SLC5A4: variants seen among roughly 807,000 people sequenced by gnomAD.
SLC5A4 encodes the protein probable glucose sensor protein SLC5A4.
In SLC5A4, 55 loss-of-function variants were observed where a neutral mutation model predicts 70.3. That is an observed-to-expected ratio of 0.78 (90% CI 0.63 to 0.98). The LOEUF is 0.98. Among genes scored for constraint, SLC5A4 ranks in the 50% least tolerant of loss-of-function variants. SLC5A4 has a pLI of 0.00. For synonymous variants in SLC5A4, 268 were observed against 305.7 expected, an observed-to-expected ratio of 0.88 and a Z score of 1.29; for missense variants, 735 against 839.2, an observed-to-expected ratio of 0.88 and a Z score of 1.53.
the SLC5A4 span, among the ~76,000 whole-genome samples, chr22:32,308,100 CTG>C: frequency 6.6e-6 from 1 of 152,288 alleles, no homozygotes; most frequent in African/African-American, 2.4e-5. Context: ...TAGAGTCACT[CTG>C]TCACCCAGGC....
the SLC5A4 span, among the ~76,000 whole-genome samples, chr22:32,350,643 T>C: frequency 1.3e-5 from 2 of 152,190 alleles, no homozygotes; most frequent in African/African-American, 2.4e-5. Context: ...ACTAAGGCTA[T>C]GTATTGAGAA....
At chr22:32,244,853 G>A (rs969589227) in intron 5 of SLC5A4, among the ~76,000 whole-genome samples, 1 of 152,028 alleles carries the variant, frequency 6.6e-6, no homozygotes, top group Non-Finnish European at 1.5e-5. Context: ...TTCTTTTATT[G>A]TGATGAAACA....
intron 5 of SLC5A4, among the ~76,000 whole-genome samples, chr22:32,241,657 T>G (rs565955171): frequency 6.6e-6 from 1 of 152,288 alleles, no homozygotes; most frequent in African/African-American, 2.4e-5. Flanking sequence ...ATGCTTTTGT[T>G]ATCTGTGGTT....
upstream of SLC5A4, among the ~76,000 whole-genome samples, chr22:32,256,417 C>T (rs12160790): frequency 0.081 from 12,271 of 152,184 alleles, 797 homozygotes; most frequent in African/African-American, 0.18. Flanking sequence ...TGTGGCAAAG[C>T]ATACATAGCA....
At chr22:32,241,981 A>G (rs887331730) in intron 5 of SLC5A4, among the ~76,000 whole-genome samples, 22 of 152,104 alleles carry the variant, frequency 1.4e-4, no homozygotes, top group South Asian at 6.2e-4. Flanking sequence ...AATACTCTAT[A>G]GAGCTGGACT....
intron 9 of SLC5A4, 146 bp from the exon 10 acceptor site, chr22:32,231,221 G>C: frequency 1.6e-6 from 1 of 644,850 alleles, no homozygotes; most frequent in Middle Eastern, 2.8e-4. Flanking sequence ...CCATATCATA[G>C]ATCTGGCCCC....
At chr22:32,304,790 A>C in the SLC5A4 span, among the ~76,000 whole-genome samples, 1 of 152,196 alleles carries the variant, frequency 6.6e-6, no homozygotes, top group African/African-American at 2.4e-5. Flanking sequence ...TGTTGTATCT[A>C]ACAAGTCATT....
the SLC5A4 span, among the ~76,000 whole-genome samples, chr22:32,285,763 G>C: frequency 6.7e-6 from 1 of 149,816 alleles, no homozygotes; most frequent in Non-Finnish European, 1.5e-5. Flanking sequence ...TTGAGATGGA[G>C]TCTCACTCTG....
At chr22:32,320,629 G>A in the SLC5A4 span, among the ~76,000 whole-genome samples, 3 of 152,144 alleles carry the variant, frequency 2.0e-5, no homozygotes, top group South Asian at 2.1e-4. Context: ...CCACTTACAC[G>A]CTGAGCCCTC....
At chr22:32,269,099 G>A in the SLC5A4 span, among the ~76,000 whole-genome samples, 1 of 152,120 alleles carries the variant, frequency 6.6e-6, no homozygotes, top group African/African-American at 2.4e-5. This position sits in a 1 kb window ranked among gnomAD's most constrained non-coding sequence, Gnocchi z 4.1. Context: ...TGCCATGTTG[G>A]CCATGGCGGT....
At chr22:32,329,627 GT>G in the SLC5A4 span, among the ~76,000 whole-genome samples, 1 of 106,664 alleles carries the variant, frequency 9.4e-6, no homozygotes, top group Non-Finnish European at 1.9e-5. Context: ...TGGTGTGTGT[GT>G]TGGAGGGCTC....
the SLC5A4 span, among the ~76,000 whole-genome samples, chr22:32,299,374 A>G: frequency 1.4e-5 from 2 of 139,192 alleles, no homozygotes; most frequent in African/African-American, 2.7e-5. Context: ...TTTTTTCTCT[A>G]AACTTCCCTT....
the SLC5A4 span, among the ~76,000 whole-genome samples, chr22:32,278,812 A>G: frequency 5.3e-4 from 81 of 152,240 alleles, 1 homozygote; most frequent in Non-Finnish European, 1.1e-3. Flanking sequence ...AAAGACAGTA[A>G]GCAATACTAT....
At chr22:32,251,160 A>C (rs1927125092) in intron 3 of SLC5A4, among the ~76,000 whole-genome samples, 1 of 149,630 alleles carries the variant, frequency 6.7e-6, no homozygotes, top group Admixed American at 6.6e-5. Context: ...AAAAAAAAAA[A>C]AAAAAAAAAA....
the SLC5A4 span, among the ~76,000 whole-genome samples, chr22:32,339,365 T>C: frequency 6.6e-6 from 1 of 152,196 alleles, no homozygotes; most frequent in Non-Finnish European, 1.5e-5. Flanking sequence ...GTGTCCATTG[T>C]ACTGATGGGA....
the SLC5A4 span, among the ~76,000 whole-genome samples, chr22:32,280,265 C>T: frequency 4.6e-5 from 7 of 152,156 alleles, no homozygotes; most frequent in South Asian, 2.1e-4. Context: ...ATCCACCCCC[C>T]CTCAACCTCC....
the SLC5A4 span, among the ~76,000 whole-genome samples, chr22:32,313,036 G>C: frequency 6.6e-6 from 1 of 152,038 alleles, no homozygotes; most frequent in Non-Finnish European, 1.5e-5. Context: ...TAGAGCTCTG[G>C]CTCATGCAAT....
intron 13 of SLC5A4, 63 bp downstream of exon 13, chr22:32,224,204 G>A (rs541685759): frequency 7.7e-6 from 10 of 1,302,018 alleles, no homozygotes; most frequent in East Asian, 2.5e-5. Flanking sequence ...ACAGGCGTGA[G>A]CCACTGCGCC....
the SLC5A4 span, among the ~76,000 whole-genome samples, chr22:32,309,918 G>A: frequency 6.6e-6 from 1 of 151,802 alleles, no homozygotes; most frequent in Non-Finnish European, 1.5e-5. Context: ...GGTGATCTCT[G>A]CTGAGGCCTC....
Sources: gnomAD v4.1 joint callset for allele counts (sites outside exome capture counted in the v4.1 genomes callset) on GRCh38, gnomAD v4.1.1 for gene constraint, Gnocchi (gnomAD v3.1) non-coding constraint, MANE v1.5 for transcripts, NCBI Gene and HGNC (gene_info 2026-07-23, HGNC 2026-07-21) for gene names.